Variants in CPNE8 observed in about 807,000 individuals in gnomAD.
CPNE8 encodes the protein copine 8, also known as copine-8.
A neutral mutation model predicts 81.5 loss-of-function variants in CPNE8; 45 were observed. The observed-to-expected ratio is 0.55, with a 90% confidence interval of 0.44 to 0.71. The LOEUF (loss-of-function observed/expected upper bound fraction) is 0.71, where lower values mean the gene tolerates loss of function less well. Among genes scored for constraint, CPNE8 ranks in the 30% least tolerant of loss-of-function variants. CPNE8 has a pLI of 0.00. For synonymous variants in CPNE8, 252 were observed against 226.3 expected, an observed-to-expected ratio of 1.11 and a Z score of -1.02; for missense variants, 594 against 672.1, an observed-to-expected ratio of 0.88 and a Z score of 1.28.
At chr12:38,797,402 C>G (rs1942515850) in intron 6 of CPNE8, among the ~76,000 whole-genome samples, 1 of 152,168 alleles carries the variant, frequency 6.6e-6, no homozygotes, top group Non-Finnish European at 1.5e-5. Context: ...AAAATCCGCT[C>G]TTCTGCAGAC....
chr12:38,816,614 G>A (rs1164275131), intron 6 of CPNE8, among the ~76,000 whole-genome samples: 1 of 152,128 alleles, frequency 6.6e-6, no homozygotes, highest in African/African-American at 2.4e-5. Context: ...AGGGGAGAAA[G>A]AACCATCACT....
At chr12:38,655,316 T>C (rs1938793388) in intron 19 of CPNE8, among the ~76,000 whole-genome samples, 1 of 152,176 alleles carries the variant, frequency 6.6e-6, no homozygotes, top group African/African-American at 2.4e-5. Context: ...TTACTTAAGT[T>C]AATAAACACT....
At chr12:38,842,095 G>A (rs1051038092) in intron 4 of CPNE8, among the ~76,000 whole-genome samples, 3 of 150,298 alleles carry the variant, frequency 2.0e-5, no homozygotes, top group African/African-American at 2.4e-5. Flanking sequence ...ACTCTCCTTC[G>A]CATCAAGGCA....
Position 38,657,668 on chromosome 12 carries a change from G to A in CPNE8, c.1507-3598C>T, listed in dbSNP as rs113346440. Reference sequence around the variant, plus strand: ...ATACAGCTGGGTGCCCCTCTGGGACGAAGCTTCCAGAGGAAGGATCAGACA... The same window carrying A: ...ATACAGCTGGGTGCCCCTCTGGGACAAAGCTTCCAGAGGAAGGATCAGACA... On this transcript the variant is annotated intron_variant, in intron 19 of 19. Transcript: ENST00000331366. 1.7e-3 allele frequency among the ~76,000 whole-genome samples: 266 copies of A among 152,100 alleles called. 1 individual carries two copies. Among genetic ancestry groups the A allele is most frequent in the African/African-American group, 6.1e-3 (251 of 41,406 alleles).
chr12:38,702,934 TA>T lies in CPNE8; in HGVS notation c.915-14del. The T allele has an allele frequency of 1.3e-6, 2 of 1,546,146 alleles. No individual in the cohort carries two copies. The highest frequency in any genetic ancestry group is 1.8e-6 in the Non-Finnish European group (2 of 1,136,390). ...ATTGATTTGCGTCCTGGAATAGAAGTAAACAAGACTCATTAATAATGAAATA... is the reference window on the plus strand; with the variant it reads ...ATTGATTTGCGTCCTGGAATAGAAGTAACAAGACTCATTAATAATGAAATA... On this transcript the variant is annotated splice_polypyrimidine_tract_variant and intron_variant, in intron 13 of 19. Transcript: ENST00000331366.
intron 6 of CPNE8, among the ~76,000 whole-genome samples, chr12:38,820,893 C>T (rs1007040707): frequency 3.3e-5 from 5 of 152,178 alleles, no homozygotes; most frequent in Non-Finnish European, 1.5e-5. Context: ...CTTACATCCA[C>T]TGTCTCATGA....
At chr12:38,892,955 C>T (rs1386855015) in intron 1 of CPNE8, among the ~76,000 whole-genome samples, 3 of 151,682 alleles carry the variant, frequency 2.0e-5, no homozygotes, top group East Asian at 1.9e-4. Context: ...AAAATGAGGA[C>T]GTTGAAATAG....
Position 38,905,490 on chromosome 12 carries a change from G to A in CPNE8, c.45C>T (p.Asn15=). The part of the protein sequence containing the change: ...YNSTAGIGDL[N]QLSAAIPATR... The stretch of plus-strand genomic sequence containing the variant: ...TGGCCGGGATGGCAGCGCTCAGCTG[G>A]TTCAAGTCCCCGATGCCCGCAGTGC... Residue 15 remains asparagine, a synonymous_variant, in exon 1 of 20, where the codon AAC becomes AAT. Transcript: ENST00000331366. 1 of 1,577,160 alleles carries A rather than the reference G, an allele frequency of 6.3e-7. No homozygotes were observed. Among genetic ancestry groups the A allele is most frequent in the South Asian group, 1.2e-5 (1 of 86,092 alleles).
At chr12:38,800,207 C>A (rs1172722235) in intron 6 of CPNE8, among the ~76,000 whole-genome samples, 1 of 100,284 alleles carries the variant, frequency 1.0e-5, no homozygotes, top group Non-Finnish European at 2.4e-5. Context: ...GGGGGCAGGG[C>A]ACAGACAAAC....
chr12:38,793,400 A>T (rs1942376408), intron 6 of CPNE8, among the ~76,000 whole-genome samples: 1 of 151,932 alleles, frequency 6.6e-6, no homozygotes, highest in Non-Finnish European at 1.5e-5. Context: ...ATATAAAATC[A>T]GTATTAAAAA....
At chr12:38,795,855 A>G (rs978583232) in intron 6 of CPNE8, among the ~76,000 whole-genome samples, 130 of 108,298 alleles carry the variant, frequency 1.2e-3, no homozygotes, top group East Asian at 9.9e-3. Context: ...ATATGATGAT[A>G]GATGGATGGA....
chr12:38,883,187 TTAAA>T, intron 1 of CPNE8, among the ~76,000 whole-genome samples: 1 of 152,260 alleles, frequency 6.6e-6, no homozygotes, highest in South Asian at 2.1e-4. Context: ...TTCAGAGAGG[TTAAA>T]TAAAGTGGCC....
chr12:38,814,444 G>A (rs1428751964), intron 6 of CPNE8, among the ~76,000 whole-genome samples: 3 of 149,776 alleles, frequency 2.0e-5, no homozygotes, highest in African/African-American at 7.4e-5. Context: ...AGCCTCCTGA[G>A]TAACTGGGAC....
intron 4 of CPNE8, among the ~76,000 whole-genome samples, chr12:38,841,777 T>C (rs914591015): frequency 1.3e-5 from 2 of 152,204 alleles, no homozygotes; most frequent in South Asian, 2.1e-4. Context: ...ATGTCCATGA[T>C]AAAACTTAAA....
At chr12:38,791,048 G>T (rs1186409712) in intron 6 of CPNE8, among the ~76,000 whole-genome samples, 1 of 151,652 alleles carries the variant, frequency 6.6e-6, no homozygotes, top group Non-Finnish European at 1.5e-5. Flanking sequence ...ATGCCAAACT[G>T]ATCTGGCAAC....
At position 38,863,601 on chromosome 12, in the gene CPNE8, GAC is replaced by G. The variant is rs562998378; in HGVS notation, c.186+9401_186+9402del. 2.1e-3 allele frequency among the ~76,000 whole-genome samples: 321 copies of G among 152,252 alleles called. 2 individuals carry two copies. The highest frequency in any genetic ancestry group is 7.4e-3 in the African/African-American group (308 of 41,560). ...AGCCTAGTAAGCAATATATTTAAAA[GAC>G]AATACATTATTATTCAGCTGGAAAC... On this transcript the variant is annotated intron_variant, in intron 3 of 19. Transcript: ENST00000331366.
intron 7 of CPNE8, among the ~76,000 whole-genome samples, chr12:38,771,493 A>G (rs1327697896): frequency 6.6e-6 from 1 of 151,950 alleles, no homozygotes; most frequent in Non-Finnish European, 1.5e-5. Context: ...TTGAAGATAC[A>G]CTCCCAACAT....
intron 19 of CPNE8, among the ~76,000 whole-genome samples, chr12:38,658,901 A>T (rs978842009): frequency 7.2e-5 from 11 of 152,212 alleles, no homozygotes; most frequent in Non-Finnish European, 1.3e-4. Context: ...TGAAGGAAAC[A>T]CTAAATATGG....
At chr12:38,688,823 G>C (rs1002259891) in intron 15 of CPNE8, among the ~76,000 whole-genome samples, 1 of 152,054 alleles carries the variant, frequency 6.6e-6, no homozygotes, top group Non-Finnish European at 1.5e-5. Flanking sequence ...AGACTGGCGG[G>C]GAAAGGTGGG....
Sources: gnomAD v4.1 joint callset for allele counts (sites outside exome capture counted in the v4.1 genomes callset) on GRCh38, gnomAD v4.1.1 for gene constraint, MANE v1.5 for transcripts, NCBI Gene and HGNC (gene_info 2026-07-23, HGNC 2026-07-21) for gene names.